Variants in LAMA2 observed in about 807,000 individuals in gnomAD.
LAMA2 encodes laminin subunit alpha-2.
LAMA2 carries 269 observed loss-of-function variants against 364.8 expected under a neutral mutation model. The observed-to-expected ratio is 0.74, with a 90% CI of 0.67 to 0.82. The LOEUF is 0.82. Among genes scored for constraint, LAMA2 ranks in the 40% least tolerant of loss-of-function variants. LAMA2 has a pLI of 0.00. For synonymous variants in LAMA2, 1,379 were observed against 1,370.6 expected, an observed-to-expected ratio of 1.01 and a Z score of -0.14; for missense variants, 3,807 against 3,873.2, an observed-to-expected ratio of 0.98 and a Z score of 0.45.
intron 29 of LAMA2, among the ~76,000 whole-genome samples, chr6:129,330,356 TG>T (rs1313780332): frequency 6.6e-6 from 1 of 151,896 alleles, no homozygotes; most frequent in East Asian, 1.9e-4. Flanking sequence ...TTGACTCTCA[TG>T]CTTCCCTCTA....
chr6:128,967,676 A>T (rs909329258), intron 1 of LAMA2, among the ~76,000 whole-genome samples: 4 of 152,134 alleles, frequency 2.6e-5, no homozygotes, highest in Non-Finnish European at 5.9e-5. Flanking sequence ...TAGGAGGAAA[A>T]GAATGAGTGG....
At chr6:129,344,595 A>G (rs937735254) in intron 30 of LAMA2, among the ~76,000 whole-genome samples, 7 of 152,250 alleles carry the variant, frequency 4.6e-5, no homozygotes, top group Non-Finnish European at 1.0e-4. Flanking sequence ...GAGATATGTT[A>G]ATAAGTGAAT....
At chr6:128,961,344 TA>T (rs1781497046) in intron 1 of LAMA2, among the ~76,000 whole-genome samples, 4 of 83,848 alleles carry the variant, frequency 4.8e-5, no homozygotes, top group Non-Finnish European at 7.4e-5. Flanking sequence ...TATATATATA[TA>T]TATATATATA....
intron 40 of LAMA2, among the ~76,000 whole-genome samples, chr6:129,414,446 A>G (rs996719348): frequency 3.3e-5 from 5 of 152,282 alleles, no homozygotes; most frequent in African/African-American, 1.2e-4. Context: ...TCAAATGTAC[A>G]TATTTTAAAG....
At chr6:129,363,740 C>T (rs1236479403) in intron 32 of LAMA2, among the ~76,000 whole-genome samples, 1 of 152,144 alleles carries the variant, frequency 6.6e-6, no homozygotes, top group Non-Finnish European at 1.5e-5. Context: ...TGGACCAGCC[C>T]TCTAGGATTT....
Position 129,166,547 on chromosome 6 carries a change from G to A in LAMA2, c.1306+872G>A, listed in dbSNP as rs1030229492. Reference sequence around the variant, plus strand: ...ACTAAATTTTGAAATATTAAAAAACGGATACGTTTTGATAGTCGAATGATG... The same window carrying A: ...ACTAAATTTTGAAATATTAAAAAACAGATACGTTTTGATAGTCGAATGATG... On this transcript the variant is annotated intron_variant, in intron 9 of 64. Coordinates refer to ENST00000421865, the MANE Select transcript of LAMA2 (RefSeq NM_000426.4). Among the ~76,000 whole-genome samples, 7 of 151,982 alleles carry A rather than the reference G, an allele frequency of 4.6e-5. No individual in the cohort carries two copies. In the South Asian group the frequency reaches 8.3e-4, roughly 18 times the overall value.
intron 8 of LAMA2, among the ~76,000 whole-genome samples, chr6:129,163,400 G>A (rs1007027626): frequency 5.3e-5 from 8 of 152,246 alleles, no homozygotes; most frequent in East Asian, 1.9e-4. Context: ...TTGGAAGGCC[G>A]AAGCAGGCAA....
chr6:129,410,291 T>G (rs1238152902), intron 40 of LAMA2, among the ~76,000 whole-genome samples: 1 of 151,910 alleles, frequency 6.6e-6, no homozygotes, highest in East Asian at 1.9e-4. Context: ...TGTAGAAAAT[T>G]TAGGCAGTCC....
rs548546963 is a variant in LAMA2 at position 129,069,317 on chromosome 6, T to C, written c.396+9421T>C. 2.5e-3 allele frequency among the ~76,000 whole-genome samples: 380 copies of C among 151,162 alleles called. 2 individuals are homozygous for C. The highest frequency in any genetic ancestry group is 8.7e-3 in the African/African-American group (360 of 41,392). On this transcript the variant is annotated intron_variant, in intron 3 of 64. Coordinates refer to ENST00000421865, the MANE Select transcript of LAMA2 (RefSeq NM_000426.4). ...TTCATCCTTTTGGTGGAATACTGTG[T>C]ATTTTCCAATTTTATTCTTAGAGTT...
At chr6:128,992,061 T>C (rs1380730003) in intron 1 of LAMA2, among the ~76,000 whole-genome samples, 1 of 152,214 alleles carries the variant, frequency 6.6e-6, no homozygotes, top group African/African-American at 2.4e-5. Context: ...GATGCAATGA[T>C]AGAGCCTTAG....
At chr6:129,082,435 A>G (rs565859948) in intron 3 of LAMA2, among the ~76,000 whole-genome samples, 3 of 152,260 alleles carry the variant, frequency 2.0e-5, no homozygotes, top group South Asian at 2.1e-4. Context: ...TAAACATCCA[A>G]TAAAGATATA....
chr6:129,402,556 T>C, intron 39 of LAMA2, 69 bp downstream of exon 39: 1 of 1,419,856 alleles, frequency 7.0e-7, no homozygotes, highest in Non-Finnish European at 9.9e-7. Flanking sequence ...CTAGCATAAA[T>C]AGTAGAGAAT....
chr6:129,505,439 C>T, intron 61 of LAMA2, 84 bp downstream of exon 61: 1 of 1,049,370 alleles, frequency 9.5e-7, no homozygotes, highest in East Asian at 2.4e-5. Context: ...GTCACATGGG[C>T]CCATGAAAAC....
chr6:129,505,793 A>T (rs1583922608), intron 61 of LAMA2, among the ~76,000 whole-genome samples: 1 of 151,878 alleles, frequency 6.6e-6, no homozygotes, highest in South Asian at 2.1e-4. Flanking sequence ...CGGCCTCCCA[A>T]AGTGCTGGGA....
intron 1 of LAMA2, among the ~76,000 whole-genome samples, chr6:128,931,413 CTGAATGAA>C (rs759181393): frequency 6.6e-6 from 1 of 152,156 alleles, no homozygotes; most frequent in Non-Finnish European, 1.5e-5. Context: ...TGTTGAATAT[CTGAATGAA>C]TGAATGAATG....
chr6:129,431,529 T>G (rs1781595553), intron 41 of LAMA2, among the ~76,000 whole-genome samples: 1 of 152,154 alleles, frequency 6.6e-6, no homozygotes, highest in African/African-American at 2.4e-5. Context: ...CTGTAGCCTG[T>G]GGTATATAAT....
intron 5 of LAMA2, among the ~76,000 whole-genome samples, 160 bp from the exon 6 acceptor site, chr6:129,146,799 C>T (rs1396325618): frequency 1.3e-5 from 2 of 152,108 alleles, no homozygotes; most frequent in Non-Finnish European, 2.9e-5. Context: ...CTAAGAGTTA[C>T]TTTGTCAGTT....
chr6:129,487,597 A>G (rs1371495856), intron 56 of LAMA2, among the ~76,000 whole-genome samples: 2 of 152,238 alleles, frequency 1.3e-5, no homozygotes, highest in Non-Finnish European at 2.9e-5. Context: ...ACTATCCTGC[A>G]GTGAAAGACC....
intron 44 of LAMA2, among the ~76,000 whole-genome samples, chr6:129,443,921 C>G (rs1427974802): frequency 6.6e-6 from 1 of 151,970 alleles, no homozygotes; most frequent in Non-Finnish European, 1.5e-5. Context: ...ACTTTGCTGA[C>G]TTTAGAAAAA....
Sources: gnomAD v4.1 joint callset for allele counts (sites outside exome capture counted in the v4.1 genomes callset) on GRCh38, gnomAD v4.1.1 for gene constraint, MANE v1.5 for transcripts, NCBI Gene and HGNC (gene_info 2026-07-23, HGNC 2026-07-21) for gene names.